Variants in SIGLEC9 observed in about 807,000 individuals in gnomAD.
SIGLEC9 encodes sialic acid binding Ig like lectin 9, also known as sialic acid-binding Ig-like lectin 9.
In SIGLEC9, 26 loss-of-function variants were observed where a neutral mutation model predicts 38.3. The observed-to-expected ratio is 0.68, with a 90% confidence interval of 0.50 to 0.94. The LOEUF (loss-of-function observed/expected upper bound fraction) is 0.94. Ranked by LOEUF, SIGLEC9 falls within the 40% of genes least tolerant of loss-of-function variation. The probability of loss-of-function intolerance (pLI) is 0.00; values close to 1 mark genes in which losing one functional copy is unlikely to be tolerated. For missense variants in SIGLEC9, 556 were observed against 585.7 expected, an observed-to-expected ratio of 0.95 and a Z score of 0.52; for synonymous variants, 236 against 248.0, an observed-to-expected ratio of 0.95 and a Z score of 0.45.
At chr19:51,133,437 T>A (rs980769512), downstream of SIGLEC9, among the ~76,000 whole-genome samples, 50 of 137,830 alleles carry the variant, frequency 3.6e-4, no homozygotes, top group African/African-American at 1.3e-3. Context: ...AAAAAAAAAA[T>A]TAGCTGGGTG....
rs1293174736 is a variant in SIGLEC9 at position 51,127,253 on chromosome 19, C to A, written c.972C>A (p.Asn324Lys). The A allele has an allele frequency of 1.2e-6, 2 of 1,613,910 alleles. No homozygotes were observed. Among genetic ancestry groups the A allele is most frequent in the Non-Finnish European group, 1.7e-6 (2 of 1,179,912 alleles). Residue 324 changes from asparagine to lysine, a missense_variant, in exon 4 of 7, where the codon AAC (asparagine) becomes AAA (lysine). Transcript: ENST00000250360. ...DAAEFTCRAQ[N>K]PLGSQQVYLN... is the part of the protein sequence containing the mutation. ...CTGAATTCACCTGCAGAGCTCAGAA[C>A]CCTCTCGGCTCTCAGCAGGTCTACC...
In SIGLEC9 at chr19:51,125,362, T is replaced by C; in HGVS notation, c.388T>C (p.Tyr130His). Residue 130 changes from tyrosine (Y) to histidine (H), a missense_variant, in exon 1 of 7, where the codon TAT (tyrosine) becomes CAT (histidine). Tyr to His is a moderately conservative substitution (Grantham distance 83). Coordinates refer to ENST00000250360, the MANE Select transcript of SIGLEC9 (RefSeq NM_014441.3). Reference protein sequence around the residue: ...RMEKGSIKWNYKHHRLSVNVT... With the variant: ...RMEKGSIKWNHKHHRLSVNVT... ...GGAGAAAGGAAGTATAAAATGGAATTATAAACATCACCGGCTCTCTGTGAA... is the reference window on the plus strand; with the variant it reads ...GGAGAAAGGAAGTATAAAATGGAATCATAAACATCACCGGCTCTCTGTGAA... 6.3e-7 allele frequency: 1 copy of C among 1,598,458 alleles called. No homozygotes were observed. The highest frequency in any genetic ancestry group is 8.5e-7 in the Non-Finnish European group (1 of 1,171,430).
At chr19:51,125,974 G>A (rs1287012597) in intron 2 of SIGLEC9, 99 bp downstream of exon 2, 56 of 1,583,428 alleles carry the variant, frequency 3.5e-5, no homozygotes, top group South Asian at 5.5e-5. Context: ...GGTGGGGTCA[G>A]GAGGACACTG....
chr19:51,131,654 G>A (rs887862664), downstream of SIGLEC9, among the ~76,000 whole-genome samples: 8 of 152,012 alleles, frequency 5.3e-5, no homozygotes, highest in African/African-American at 1.9e-4. Context: ...GGTGGCTCAC[G>A]CCTGTCATCC....
Position 51,124,992 on chromosome 19 carries a change from G to T in SIGLEC9, c.18G>T (p.Leu6=). The T allele has an allele frequency of 6.2e-7, 1 of 1,607,718 alleles. No individual in the cohort carries two copies. Among genetic ancestry groups the T allele is most frequent in the Non-Finnish European group, 8.5e-7 (1 of 1,176,256 alleles). The change falls in exon 1 of 7, where the codon CTG becomes CTT. Residue 6 remains leucine (L), a synonymous_variant. Transcript: ENST00000250360. MLLLL[L]PLLWGRERAE... ...CCCCAGACATGCTGCTGCTGCTGCTGCCCCTGCTCTGGGGGAGGGAGAGGG... is the reference window on the plus strand; with the variant it reads ...CCCCAGACATGCTGCTGCTGCTGCTTCCCCTGCTCTGGGGGAGGGAGAGGG...
At chr19:51,132,669 T>C (rs934877909), downstream of SIGLEC9, among the ~76,000 whole-genome samples, 1 of 152,194 alleles carries the variant, frequency 6.6e-6, no homozygotes, top group African/African-American at 2.4e-5. Context: ...TCAGCTGGAA[T>C]TGTCTGAGTG....
chr19:51,122,194 C>T (rs273680), upstream of SIGLEC9, among the ~76,000 whole-genome samples: 1,836 of 152,242 alleles, frequency 0.012, 34 homozygotes, highest in African/African-American at 0.042. This position sits in a 1 kb window ranked among gnomAD's most constrained non-coding sequence, Gnocchi z 4.1. Context: ...GTCTGTCTTG[C>T]GTCAATATGA....
rs1411239070 is a variant in SIGLEC9, at chr19:51,127,242, A to G, written c.961A>G (p.Arg321Gly). 8.1e-6 allele frequency: 13 copies of G among 1,614,170 alleles called. No homozygotes were observed. The highest frequency in any genetic ancestry group is 9.3e-6 in the Non-Finnish European group (11 of 1,179,978). ...HLRDAAEFTCRAQNPLGSQQV... is the reference protein window; with the variant it reads ...HLRDAAEFTCGAQNPLGSQQV... The stretch of plus-strand genomic sequence containing the variant: ...GAGGGATGCAGCTGAATTCACCTGC[A>G]GAGCTCAGAACCCTCTCGGCTCTCA... The change falls in exon 4 of 7, where the codon AGA (arginine) becomes GGA (glycine). Residue 321 changes from arginine (R) to glycine (G), a missense_variant. By Grantham distance (125) the Arg-to-Gly change is moderately radical. Transcript: ENST00000250360.
upstream of SIGLEC9, among the ~76,000 whole-genome samples, chr19:51,121,576 T>G (rs1185470224): frequency 6.8e-6 from 1 of 147,328 alleles, no homozygotes; most frequent in Non-Finnish European, 1.5e-5. Flanking sequence ...CCAGGCCCTT[T>G]GCTGTCTTTT....
chr19:51,132,527 A>G (rs2092021788), downstream of SIGLEC9, among the ~76,000 whole-genome samples: 4 of 152,290 alleles, frequency 2.6e-5, no homozygotes, highest in South Asian at 4.1e-4. Context: ...ACCAGGCCAT[A>G]TGTGTCTCAT....
At chr19:51,126,330 C>G (rs946204582) in intron 3 of SIGLEC9, among the ~76,000 whole-genome samples, 8 of 152,100 alleles carry the variant, frequency 5.3e-5, no homozygotes, top group Middle Eastern at 3.4e-3. Context: ...ACACACCCCC[C>G]CCTCAGCCTC....
Position 51,124,992 on chromosome 19 carries a change from G to GC in SIGLEC9, c.22dup (p.Leu8ProfsTer14). The GC allele has an allele frequency of 6.2e-7, 1 of 1,607,718 alleles. No individual in the cohort carries two copies. Among genetic ancestry groups the GC allele is most frequent in the Non-Finnish European group, 8.5e-7 (1 of 1,176,256 alleles). On this transcript the variant is annotated frameshift_variant, in exon 1 of 7. Transcript: ENST00000250360. LOFTEE classifies it high-confidence loss of function. ...CCCCAGACATGCTGCTGCTGCTGCT[G>GC]CCCCTGCTCTGGGGGAGGGAGAGGG...
chr19:51,126,205 T>G, intron 3 of SIGLEC9, 77 bp downstream of exon 3: 1 of 1,405,326 alleles, frequency 7.1e-7, no homozygotes, highest in East Asian at 2.3e-5. Context: ...TTCCTCAACC[T>G]GGACTCACTT....
intron 4 of SIGLEC9, 60 bp downstream of exon 4, chr19:51,127,356 A>C: frequency 6.6e-7 from 1 of 1,507,252 alleles, no homozygotes; most frequent in Non-Finnish European, 8.9e-7. Flanking sequence ...CTCCACCCTT[A>C]GTAACTGCTG....
At chr19:51,120,431 C>A (rs1225757926), upstream of SIGLEC9, 1 of 152,248 alleles carries the variant, frequency 6.6e-6, no homozygotes, top group Non-Finnish European at 1.5e-5. This position sits in a 1 kb window ranked among gnomAD's most constrained non-coding sequence, Gnocchi z 4.1. Flanking sequence ...ACAGGGAGTG[C>A]CCCCACTCCC....
At chr19:51,129,194 T>C (rs1257023381) in intron 6 of SIGLEC9, among the ~76,000 whole-genome samples, 1 of 140,732 alleles carries the variant, frequency 7.1e-6, no homozygotes, top group Non-Finnish European at 1.5e-5. Context: ...AGTCTTGCTC[T>C]GTCGCCCAGG....
At chr19:51,129,728 T>C (rs189807146) in intron 6 of SIGLEC9, among the ~76,000 whole-genome samples, 163 bp from the exon 7 acceptor site, 164 of 152,226 alleles carry the variant, frequency 1.1e-3, no homozygotes, top group Non-Finnish European at 2.4e-4. Flanking sequence ...TTTGTATTTT[T>C]AGTAGAGACA....
chr19:51,124,656 C>T (rs138601161), upstream of SIGLEC9, among the ~76,000 whole-genome samples: 601 of 152,148 alleles, frequency 4.0e-3, 5 homozygotes, highest in African/African-American at 0.014. Flanking sequence ...CAGAAAATGT[C>T]ACCTAAGGGG....
chr19:51,127,669 G>A (rs2091987526), intron 4 of SIGLEC9, among the ~76,000 whole-genome samples: 1 of 152,120 alleles, frequency 6.6e-6, no homozygotes, highest in Non-Finnish European at 1.5e-5. Flanking sequence ...ATATTGCAAT[G>A]CAATAATCTT....
Sources: gnomAD v4.1 joint callset for allele counts (sites outside exome capture counted in the v4.1 genomes callset) on GRCh38, gnomAD v4.1.1 for gene constraint, Gnocchi (gnomAD v3.1) non-coding constraint, MANE v1.5 for transcripts, NCBI Gene and HGNC (gene_info 2026-07-23, HGNC 2026-07-21) for gene names.